ACTR8: variants seen among roughly 807,000 people sequenced by gnomAD.
ACTR8 encodes actin-related protein 8.
Under a neutral mutation model 84.3 loss-of-function variants are expected in ACTR8, and 70 were observed. That is an observed-to-expected ratio of 0.83 (90% CI 0.68 to 1.01). ACTR8 has a LOEUF of 1.01. Ranked by LOEUF, ACTR8 falls within the 50% of genes least tolerant of loss-of-function variation. The pLI, the probability that ACTR8 is intolerant of heterozygous loss-of-function variation, is 0.00. For synonymous variants in ACTR8, 268 were observed against 275.2 expected, an observed-to-expected ratio of 0.97 and a Z score of 0.26; for missense variants, 672 against 775.4, an observed-to-expected ratio of 0.87 and a Z score of 1.58.
In ACTR8 at chr3:53,870,006, A is replaced by G; in HGVS notation, c.1707T>C (p.Asn569=). Residue 569 remains asparagine (N), a synonymous_variant, in exon 12 of 13, where the codon AAT becomes AAC. Coordinates refer to ENST00000335754, the MANE Select transcript of ACTR8 (RefSeq NM_022899.5). This position sits in a 1 kb window ranked among gnomAD's most constrained non-coding sequence, Gnocchi z 4.1. ...CCTTAGGCCTTGTGATCACATCCAC[A>G]TTTTCAATAATTCGCCTGAAGGATG... ...MPPSFRRIIE[N]VDVITRPKDM... The G allele has an allele frequency of 6.2e-7, 1 of 1,614,138 alleles. No homozygotes were observed. The highest frequency in any genetic ancestry group is 8.5e-7 in the Non-Finnish European group (1 of 1,180,018).
chr3:53,871,319 G>A lies in ACTR8; in HGVS notation c.1480C>T (p.Leu494=). 6.2e-7 allele frequency: 1 copy of A among 1,614,256 alleles called. No individual in the cohort carries two copies. The highest frequency in any genetic ancestry group is 8.5e-7 in the Non-Finnish European group (1 of 1,180,050). ...GNDSEEALTA[L]MSRKTAISLF... ...GAGATGGCAGTCTTCCTGGACATCA[G>A]TGCAGTGAGGGCCTCCTCGGAATCG... is the stretch of plus-strand genomic sequence containing the variant. The change falls in exon 11 of 13, where the codon CTG becomes TTG. Residue 494 remains leucine, a synonymous_variant. Coordinates refer to ENST00000335754, the MANE Select transcript of ACTR8 (RefSeq NM_022899.5).
At chr3:53,860,271 AC>A in the ACTR8 span, 3 of 1,513,304 alleles carry the variant, frequency 2.0e-6, no homozygotes, top group Non-Finnish European at 2.7e-6. Context: ...TAAGGAAATA[AC>A]ATTTTGAATT....
Position 53,877,596 on chromosome 3 carries a change from G to A in ACTR8, c.510+51C>T, listed in dbSNP as rs1241135685. The A allele has an allele frequency of 3.8e-5, 60 of 1,559,750 alleles. 1 individual carries two copies. The highest frequency in any genetic ancestry group is 5.0e-5 in the Non-Finnish European group (57 of 1,134,656). The stretch of plus-strand genomic sequence containing the variant: ...GGGTGGCAACGTAAATGAATTTTAG[G>A]AGGAGGATCAGCTTCCCCTTCTTTC... On this transcript the variant is annotated intron_variant, in intron 4 of 12. Coordinates refer to ENST00000335754, the MANE Select transcript of ACTR8 (RefSeq NM_022899.5).
chr3:53,876,165 G>T, intron 6 of ACTR8, 85 bp from the exon 7 acceptor site: 1 of 1,520,166 alleles, frequency 6.6e-7, no homozygotes, highest in African/African-American at 1.4e-5. Context: ...GAAGCGGGGA[G>T]CCTAGGGACC....
intron 8 of ACTR8, among the ~76,000 whole-genome samples, chr3:53,874,010 G>A (rs1371488565): frequency 6.6e-6 from 1 of 152,048 alleles, no homozygotes; most frequent in Non-Finnish European, 1.5e-5. Context: ...ATTTTTATTA[G>A]AGACGGAGTT....
Position 53,873,035 on chromosome 3 carries a change from C to T in ACTR8, c.1158G>A (p.Leu386=), listed in dbSNP as rs777315137. The T allele has an allele frequency of 2.1e-5, 34 of 1,607,302 alleles. No individual in the cohort carries two copies. In the East Asian group the frequency reaches 7.4e-4, roughly 35 times the overall value. Residue 386 remains leucine (L), a synonymous_variant, in exon 9 of 13, where the codon CTG becomes CTA. Transcript: ENST00000335754. ...GAAACAGATACCTATAAGTTACCTG[C>T]AGTTTTTCATCTCCTAATCGAAACT... is the stretch of plus-strand genomic sequence containing the variant. ...LYQFRLGDEK[L]QAPMALFYPA... is the part of the protein sequence containing the mutation.
At position 53,877,754 on chromosome 3, in the gene ACTR8, G is replaced by C; in HGVS notation, c.406-3C>G. 1 of 1,612,414 alleles carries C rather than the reference G, an allele frequency of 6.2e-7. No homozygotes were observed. The highest frequency in any genetic ancestry group is 8.5e-7 in the Non-Finnish European group (1 of 1,178,980). ...ATCTGCTTATTGTAGGAGCGTGCCT[G>C]AAAAGAAAAACCATCAGAAAATTAT... On this transcript the variant is annotated splice_polypyrimidine_tract_variant and splice_region_variant and intron_variant, in intron 3 of 12. Coordinates refer to ENST00000335754, the MANE Select transcript of ACTR8 (RefSeq NM_022899.5).
chr3:53,881,133 G>A (rs1470617823), intron 1 of ACTR8, among the ~76,000 whole-genome samples: 1 of 152,206 alleles, frequency 6.6e-6, no homozygotes, highest in African/African-American at 2.4e-5. Context: ...GGCTTACGGT[G>A]TGCCAGGCAC....
chr3:53,881,890 A>C, intron 1 of ACTR8, 89 bp downstream of exon 1: 1 of 1,532,554 alleles, frequency 6.5e-7, no homozygotes, highest in Non-Finnish European at 8.8e-7. Flanking sequence ...TGCAAGGGGG[A>C]CTCGAAGCCT....
At chr3:53,868,891 T>C in intron 12 of ACTR8, 29 bp from the exon 13 acceptor site, 1 of 1,609,574 alleles carries the variant, frequency 6.2e-7, no homozygotes. Flanking sequence ...CATTTCAGCC[T>C]AATCACATAA....
In ACTR8 at chr3:53,880,121, A is replaced by G. The variant is rs780510950; in HGVS notation, c.124-12T>C. 1.2e-6 allele frequency: 2 copies of G among 1,611,414 alleles called. No homozygotes were observed. Among genetic ancestry groups the G allele is most frequent in the South Asian group, 2.2e-5 (2 of 90,940 alleles). The stretch of plus-strand genomic sequence containing the variant: ...TTGCTCTGGATTTGCTGCAGATATA[A>G]AACATAGATGTGTGACTTTGTAAAT... On this transcript the variant is annotated splice_polypyrimidine_tract_variant and intron_variant, in intron 1 of 12. Transcript: ENST00000335754.
intron 1 of ACTR8, 127 bp downstream of exon 1, chr3:53,881,852 C>T: frequency 7.1e-7 from 1 of 1,401,398 alleles, no homozygotes; most frequent in Non-Finnish European, 9.4e-7. Flanking sequence ...CGACCGCTTC[C>T]GCACTCCCCC....
In ACTR8 at chr3:53,867,969, T is replaced by C. The variant is rs1445789815; in HGVS notation, c.*750A>G. 1 of 152,242 alleles carries C rather than the reference T, an allele frequency of 6.6e-6. No homozygotes were observed. Among genetic ancestry groups the C allele is most frequent in the African/African-American group, 2.4e-5 (1 of 41,466 alleles). The allele number at this position is 152,242 out of a possible 1,614,324, so 9.4% of individuals were successfully genotyped here. On this transcript the variant is annotated 3_prime_UTR_variant, in exon 13 of 13. Transcript: ENST00000335754. ...GTACAACACAAGGACTCTTAAATTATACCCAAATCATTTCTATTTGGCTTT... is the reference window on the plus strand; with the variant it reads ...GTACAACACAAGGACTCTTAAATTACACCCAAATCATTTCTATTTGGCTTT...
At position 53,881,972 on chromosome 3, in the gene ACTR8, G is replaced by A. The variant is rs1559796742; in HGVS notation, c.123+7C>T. 1.9e-6 allele frequency: 3 copies of A among 1,555,374 alleles called. No homozygotes were observed. The highest frequency in any genetic ancestry group is 1.2e-5 in the South Asian group (1 of 84,450). ...GGCAAAGAGTTCCAACCCAGCCAGA[G>A]CCGCACCTCTTGCAGCGACTCCGGC... On this transcript the variant is annotated splice_region_variant and intron_variant, in intron 1 of 12. Coordinates refer to ENST00000335754, the MANE Select transcript of ACTR8 (RefSeq NM_022899.5).
intron 2 of ACTR8, among the ~76,000 whole-genome samples, chr3:53,879,396 G>A (rs1700025999): frequency 1.3e-5 from 2 of 152,072 alleles, no homozygotes; most frequent in Admixed American, 1.3e-4. Context: ...GGATTATGAT[G>A]TAATATATAG....
chr3:53,864,453 T>G (rs959547487), downstream of ACTR8, among the ~76,000 whole-genome samples: 3 of 151,928 alleles, frequency 2.0e-5, no homozygotes, highest in African/African-American at 7.3e-5. Flanking sequence ...GAGAATGGCG[T>G]GAACCCAGGA....
Position 53,877,275 on chromosome 3 carries a change from A to G in ACTR8, c.623T>C (p.Ile208Thr). 5 of 1,614,064 alleles carry G rather than the reference A, an allele frequency of 3.1e-6. No homozygotes were observed. The African/African-American group carries it at 4.0e-5, about 13-fold the overall frequency. The change falls in exon 5 of 13, where the codon ATT becomes ACT. Residue 208 changes from isoleucine to threonine, a missense_variant. Ile to Thr is a moderately conservative substitution (Grantham distance 89). Coordinates refer to ENST00000335754, the MANE Select transcript of ACTR8 (RefSeq NM_022899.5). ...TATCGCATGAGACCATATTACTTCA[A>G]TATCTGCCAGAACAGCTGTAAGAGA... is the stretch of plus-strand genomic sequence containing the variant. ...GGSLTAVLAD[I>T]EVIWSHAIQK...
At chr3:53,865,056 T>C (rs987407603), downstream of ACTR8, 4 of 1,614,050 alleles carry the variant, frequency 2.5e-6, no homozygotes, top group African/African-American at 1.3e-5. Flanking sequence ...GTGAGAACTC[T>C]CAAGACCTCT....
chr3:53,868,657 G>A lies in ACTR8; in HGVS notation c.*62C>T, dbSNP rs754118790. On this transcript the variant is annotated 3_prime_UTR_variant, in exon 13 of 13. Transcript: ENST00000335754. ...CAATAAATTACAATACACATATTCT[G>A]TAAGAGTCTTTTATACCAAGAAGCT... is the stretch of plus-strand genomic sequence containing the variant. 30 of 1,586,342 alleles carry A rather than the reference G, an allele frequency of 1.9e-5. No individual in the cohort carries two copies. Among genetic ancestry groups the A allele is most frequent in the Non-Finnish European group, 2.4e-5 (28 of 1,166,858 alleles).
Sources: allele counts gnomAD v4.1 joint callset (sites outside exome capture counted in the v4.1 genomes callset), GRCh38; gene constraint gnomAD v4.1.1; non-coding constraint Gnocchi (gnomAD v3.1); transcripts MANE v1.5; gene names NCBI Gene and HGNC (gene_info 2026-07-23, HGNC 2026-07-21).